Variants in TMEM163 observed in about 807,000 individuals in gnomAD.
The protein encoded by TMEM163 is transmembrane protein 163.
In TMEM163, 17 loss-of-function variants were observed where a neutral mutation model predicts 29.3. That is an observed-to-expected ratio of 0.58 (90% CI 0.40 to 0.87). TMEM163 has a LOEUF of 0.87. TMEM163 is among the 40% of genes least tolerant of loss of function. The pLI, the probability that TMEM163 is intolerant of heterozygous loss-of-function variation, is 0.00. For missense variants in TMEM163, 303 were observed against 381.5 expected, an observed-to-expected ratio of 0.79 and a Z score of 1.71; for synonymous variants, 157 against 160.6, an observed-to-expected ratio of 0.98 and a Z score of 0.17.
At chr2:134,509,267 A>C (rs1159544947) in intron 4 of TMEM163, among the ~76,000 whole-genome samples, 1 of 152,238 alleles carries the variant, frequency 6.6e-6, no homozygotes, top group Non-Finnish European at 1.5e-5. Context: ...CCAAATGGCC[A>C]CATGTAGTTG....
chr2:134,514,617 G>A (rs895103060), intron 4 of TMEM163, among the ~76,000 whole-genome samples: 5 of 152,100 alleles, frequency 3.3e-5, no homozygotes, highest in Admixed American at 1.3e-4. Context: ...ATGAGTGGTC[G>A]TCAAAAGAAA....
intron 2 of TMEM163, among the ~76,000 whole-genome samples, chr2:134,695,974 C>T (rs1394066516): frequency 6.6e-6 from 1 of 151,078 alleles, no homozygotes; most frequent in Non-Finnish European, 1.5e-5. Flanking sequence ...TTTCTTGAAC[C>T]TAGGAGGCGG....
At chr2:134,699,365 C>T (rs1351895207) in intron 2 of TMEM163, among the ~76,000 whole-genome samples, 2 of 151,994 alleles carry the variant, frequency 1.3e-5, no homozygotes, top group African/African-American at 2.4e-5. Context: ...ATTAGCCAGG[C>T]GTGTGGTACA....
intron 2 of TMEM163, among the ~76,000 whole-genome samples, chr2:134,638,602 T>C (rs1312036546): frequency 6.6e-6 from 1 of 151,840 alleles, no homozygotes; most frequent in Non-Finnish European, 1.5e-5. Context: ...ATGGAGAGAA[T>C]ACAAGGAAAA....
chr2:134,686,706 G>A (rs532158152), intron 2 of TMEM163, among the ~76,000 whole-genome samples: 8 of 152,310 alleles, frequency 5.3e-5, no homozygotes, highest in East Asian at 3.9e-4. Context: ...ATTTGGAGGC[G>A]TGGAAGTGAA....
chr2:134,601,767 C>T (rs1033985713), intron 2 of TMEM163, among the ~76,000 whole-genome samples: 5 of 151,988 alleles, frequency 3.3e-5, no homozygotes, highest in Non-Finnish European at 7.4e-5. Context: ...GCAAACAATA[C>T]GCATAATAAA....
intron 2 of TMEM163, among the ~76,000 whole-genome samples, chr2:134,622,912 G>A (rs1487718399): frequency 3.9e-5 from 6 of 151,946 alleles, no homozygotes; most frequent in Admixed American, 6.6e-5. Context: ...ACAGGCGTCC[G>A]CCACCACACC....
At chr2:134,608,799 G>A in intron 2 of TMEM163, among the ~76,000 whole-genome samples, 1 of 34,712 alleles carries the variant, frequency 2.9e-5, no homozygotes, top group Admixed American at 2.2e-4. Flanking sequence ...AACTGTGCTG[G>A]TGAAAAGGAC....
At chr2:134,695,859 C>T (rs1356135660) in intron 2 of TMEM163, among the ~76,000 whole-genome samples, 1 of 151,912 alleles carries the variant, frequency 6.6e-6, no homozygotes, top group Admixed American at 6.6e-5. Flanking sequence ...CAGACCAGCC[C>T]GGCCAATATG....
At chr2:134,559,386 T>C (rs1681117907) in intron 2 of TMEM163, among the ~76,000 whole-genome samples, 1 of 152,218 alleles carries the variant, frequency 6.6e-6, no homozygotes, top group African/African-American at 2.4e-5. Flanking sequence ...GTTCCCAATG[T>C]TTTCTACTGG....
chr2:134,693,904 C>A (rs1013359912), intron 2 of TMEM163, among the ~76,000 whole-genome samples: 1 of 152,102 alleles, frequency 6.6e-6, no homozygotes, highest in African/African-American at 2.4e-5. Context: ...GACAAAACAA[C>A]ACAATAAGCT....
intron 2 of TMEM163, among the ~76,000 whole-genome samples, chr2:134,681,195 T>A (rs184219893): frequency 1.3e-5 from 2 of 152,188 alleles, no homozygotes; most frequent in African/African-American, 2.4e-5. Context: ...CACCCAGCAG[T>A]GCACCCCACT....
At chr2:134,477,866 T>C (rs941222215) in intron 5 of TMEM163, among the ~76,000 whole-genome samples, 6 of 152,196 alleles carry the variant, frequency 3.9e-5, no homozygotes, top group Non-Finnish European at 7.3e-5. Flanking sequence ...GACAGGTTTG[T>C]TGATATGGTT....
At chr2:134,504,797 G>A (rs1475436592) in intron 4 of TMEM163, among the ~76,000 whole-genome samples, 1 of 152,208 alleles carries the variant, frequency 6.6e-6, no homozygotes. Context: ...TGCGCCTGGG[G>A]CTGGGAACCA....
chr2:134,520,581 AGAT>A (rs1465316952), intron 4 of TMEM163, among the ~76,000 whole-genome samples: 24 of 152,226 alleles, frequency 1.6e-4, no homozygotes, highest in African/African-American at 5.8e-4. Flanking sequence ...TGAGCTTTTT[AGAT>A]GATGAGTAAA....
At chr2:134,610,213 C>T (rs980306826) in intron 2 of TMEM163, among the ~76,000 whole-genome samples, 1 of 152,214 alleles carries the variant, frequency 6.6e-6, no homozygotes, top group Non-Finnish European at 1.5e-5. Context: ...AAGGCAGAAC[C>T]AGTCCTCTGC....
chr2:134,637,369 G>A (rs1683128179), intron 2 of TMEM163, among the ~76,000 whole-genome samples: 2 of 152,174 alleles, frequency 1.3e-5, no homozygotes, highest in Non-Finnish European at 2.9e-5. Context: ...AGTGTGCCCT[G>A]AGATGAGATG....
At position 134,584,073 on chromosome 2, in the gene TMEM163, A is replaced by C. The variant is rs142197816; in HGVS notation, c.323-31982T>G. On this transcript the variant is annotated intron_variant, in intron 2 of 7. Coordinates refer to ENST00000281924, the MANE Select transcript of TMEM163 (RefSeq NM_030923.5). Reference sequence around the variant, plus strand: ...AGTAGTGCTGAATAGATGGGCTACAAAATCTCTGCACAGGAAATGCAGACT... The same window carrying C: ...AGTAGTGCTGAATAGATGGGCTACACAATCTCTGCACAGGAAATGCAGACT... Among the ~76,000 whole-genome samples the C allele has an allele frequency of 5.6e-3, 860 of 152,316 alleles. 10 individuals are homozygous for C. Among genetic ancestry groups the C allele is most frequent in the African/African-American group, 0.019 (809 of 41,570 alleles).
chr2:134,652,935 G>A (rs1324130364), intron 2 of TMEM163, among the ~76,000 whole-genome samples: 1 of 80,016 alleles, frequency 1.2e-5, no homozygotes, highest in Non-Finnish European at 2.4e-5. Flanking sequence ...ATGTGCTGCT[G>A]GATTCGTTTT....
Sources: gnomAD v4.1 joint callset for allele counts (sites outside exome capture counted in the v4.1 genomes callset) on GRCh38, gnomAD v4.1.1 for gene constraint, MANE v1.5 for transcripts, NCBI Gene and HGNC (gene_info 2026-07-23, HGNC 2026-07-21) for gene names.